SUGCT: variants seen among roughly 807,000 people sequenced by gnomAD.
SUGCT encodes the protein succinyl-CoA:glutarate CoA-transferase.
Under a neutral mutation model 55.0 loss-of-function variants are expected in SUGCT, and 41 were observed. The ratio of observed to expected loss-of-function variants is 0.74; its 90% CI spans 0.58 to 0.97. The LOEUF is 0.97. Ranked by LOEUF, SUGCT falls within the 50% of genes least tolerant of loss-of-function variation. The pLI is 0.00. For missense variants in SUGCT, 568 were observed against 547.8 expected (o/e 1.04, Z -0.37); for synonymous variants, 187 against 200.4 (o/e 0.93, Z 0.56).
chr7:40,938,052 A>G, the SUGCT span, among the ~76,000 whole-genome samples: 1 of 152,300 alleles, frequency 6.6e-6, no homozygotes, highest in Admixed American at 6.5e-5. Context: ...GGTGGAGTGC[A>G]TGTGGTAATG....
At chr7:40,292,500 T>TA (rs1283560690) in intron 8 of SUGCT, among the ~76,000 whole-genome samples, 4 of 152,214 alleles carry the variant, frequency 2.6e-5, no homozygotes, top group African/African-American at 9.6e-5. Context: ...TGAAATCATG[T>TA]AAGTCATTGA....
chr7:40,289,938 C>T (rs1793628901), intron 8 of SUGCT, among the ~76,000 whole-genome samples: 1 of 152,126 alleles, frequency 6.6e-6, no homozygotes, highest in Non-Finnish European at 1.5e-5. Flanking sequence ...CCTAGGAATC[C>T]AACTTACAAG....
At chr7:40,289,661 T>C (rs1304430472) in intron 8 of SUGCT, among the ~76,000 whole-genome samples, 4 of 152,026 alleles carry the variant, frequency 2.6e-5, no homozygotes, top group South Asian at 2.1e-4. Flanking sequence ...CCAGGGCAAT[T>C]AGGCAGGAGA....
intron 12 of SUGCT, among the ~76,000 whole-genome samples, chr7:40,497,969 C>G (rs888371326): frequency 6.6e-5 from 10 of 152,152 alleles, no homozygotes; most frequent in Middle Eastern, 3.4e-3. Context: ...ACTTTATTGG[C>G]TAGCTCAAAG....
intron 12 of SUGCT, among the ~76,000 whole-genome samples, chr7:40,600,868 T>C (rs978282041): frequency 1.3e-5 from 2 of 152,120 alleles, no homozygotes; most frequent in African/African-American, 4.8e-5. Context: ...GTTTTTAAGC[T>C]ATCTTTACTT....
At chr7:40,651,378 A>G (rs10239229) in intron 12 of SUGCT, among the ~76,000 whole-genome samples, 6,378 of 150,348 alleles carry the variant, frequency 0.042, 441 homozygotes, top group African/African-American at 0.15. Flanking sequence ...TCTTGGCCAC[A>G]TGAATGTCTT....
intron 12 of SUGCT, among the ~76,000 whole-genome samples, chr7:40,735,508 G>A (rs1263581451): frequency 6.6e-6 from 1 of 152,144 alleles, no homozygotes; most frequent in Non-Finnish European, 1.5e-5. Flanking sequence ...AAACATGCAT[G>A]CAGAGAAGCA....
Position 40,461,807 on chromosome 7 carries a change from TG to T in SUGCT, c.986+2611del, listed in dbSNP as rs575114595. Among the ~76,000 whole-genome samples the T allele has an allele frequency of 6.7e-3, 1,013 of 152,322 alleles. 6 individuals carry two copies. Among genetic ancestry groups the T allele is most frequent in the Non-Finnish European group, 0.012 (783 of 68,024 alleles). ...GAAAGGAAGGAGTGGAACCAGCCTT[TG>T]GTGGCTGCCAAGTACATGCCAGATA... On this transcript the variant is annotated intron_variant, in intron 11 of 13. Coordinates refer to ENST00000335693, the MANE Select transcript of SUGCT (RefSeq NM_001193313.2).
the SUGCT span, among the ~76,000 whole-genome samples, chr7:40,962,564 A>ATC: frequency 9.5e-6 from 1 of 104,770 alleles, no homozygotes; most frequent in Non-Finnish European, 1.9e-5. Flanking sequence ...TCAAAGGTAA[A>ATC]TCACACACAC....
chr7:41,019,829 G>T, the SUGCT span, among the ~76,000 whole-genome samples: 1 of 152,142 alleles, frequency 6.6e-6, no homozygotes, highest in Non-Finnish European at 1.5e-5. Flanking sequence ...TTCATGACAG[G>T]AAAAACAAAT....
chr7:40,855,288 AAAAG>A (rs978043041), intron 13 of SUGCT, among the ~76,000 whole-genome samples: 1 of 150,936 alleles, frequency 6.6e-6, no homozygotes, highest in Non-Finnish European at 1.5e-5. Context: ...AAAAGAAAAG[AAAAG>A]AAAAGAAAAA....
intron 9 of SUGCT, among the ~76,000 whole-genome samples, chr7:40,439,065 TATA>T: frequency 4.9e-5 from 1 of 20,220 alleles, no homozygotes; most frequent in South Asian, 1.6e-3. Flanking sequence ...ATATATGGTG[TATA>T]TATATATATA....
chr7:40,237,670 G>A lies in SUGCT; in HGVS notation c.520G>A (p.Gly174Ser), dbSNP rs762619986. The A allele has an allele frequency of 1.2e-6, 2 of 1,613,878 alleles. No individual in the cohort carries two copies. The highest frequency in any genetic ancestry group is 2.2e-5 in the South Asian group (2 of 91,072). The change falls in exon 7 of 14, where the codon GGT becomes AGT. Residue 174 changes from glycine to serine, a missense_variant. By Grantham distance (56) the Gly-to-Ser change is moderately conservative. Transcript: ENST00000335693. ...GQTGPISQRA[G>S]YDAVASAVSG... The stretch of plus-strand genomic sequence containing the variant: ...GACAGGTCCAATTTCTCAGCGAGCT[G>A]GTTATGATGCTGTTGCCTCGGCTGT...
At chr7:40,591,483 G>T (rs191622802) in intron 12 of SUGCT, among the ~76,000 whole-genome samples, 31 of 152,296 alleles carry the variant, frequency 2.0e-4, no homozygotes, top group Admixed American at 1.3e-3. Context: ...GACAGCAAAG[G>T]ATTTAAAATA....
chr7:40,166,117 AT>A (rs1340537340), intron 1 of SUGCT, among the ~76,000 whole-genome samples: 2 of 152,326 alleles, frequency 1.3e-5, no homozygotes, highest in East Asian at 3.9e-4. Flanking sequence ...GCTAGACTCC[AT>A]CTTTAAAAAA....
intron 9 of SUGCT, among the ~76,000 whole-genome samples, chr7:40,397,886 C>T (rs921199664): frequency 6.6e-6 from 1 of 152,096 alleles, no homozygotes; most frequent in African/African-American, 2.4e-5. Flanking sequence ...TCTGAGATAG[C>T]CCTGCACTCA....
intron 12 of SUGCT, among the ~76,000 whole-genome samples, chr7:40,571,214 T>G (rs1164038801): frequency 1.3e-5 from 2 of 152,228 alleles, no homozygotes; most frequent in Admixed American, 1.3e-4. Flanking sequence ...TGCCACATTT[T>G]AATTATCTGC....
chr7:40,414,603 TA>T (rs920469254), intron 9 of SUGCT, among the ~76,000 whole-genome samples: 9 of 151,466 alleles, frequency 5.9e-5, no homozygotes, highest in Non-Finnish European at 1.2e-4. Context: ...ATTGTCACAT[TA>T]AAAAAAAATT....
At chr7:40,663,232 G>C (rs1333768356) in intron 12 of SUGCT, among the ~76,000 whole-genome samples, 1 of 151,854 alleles carries the variant, frequency 6.6e-6, no homozygotes. Context: ...TTTAATTAAG[G>C]GTAATTCTTT....
Sources: allele counts gnomAD v4.1 joint callset (sites outside exome capture counted in the v4.1 genomes callset), GRCh38; gene constraint gnomAD v4.1.1; transcripts MANE v1.5; gene names NCBI Gene and HGNC (gene_info 2026-07-23, HGNC 2026-07-21).